Variants in EXD1 observed in about 807,000 individuals in gnomAD.
EXD1 encodes exonuclease 3'-5' domain containing 1.
In EXD1, 63 loss-of-function variants were observed where a neutral mutation model predicts 49.1. The ratio of observed to expected loss-of-function variants is 1.28; its 90% confidence interval spans 1.05 to 1.58. EXD1 has a LOEUF of 1.58. Among genes scored for constraint, EXD1 ranks in the 40% most tolerant of loss-of-function variants. The probability of loss-of-function intolerance (pLI) is 0.00; values close to 1 mark genes in which losing one functional copy is unlikely to be tolerated. For synonymous variants in EXD1, 234 were observed against 239.2 expected (o/e 0.98, Z 0.20); for missense variants, 748 against 666.0 (o/e 1.12, Z -1.36).
At chr15:41,216,560 G>A in intron 5 of EXD1, 108 bp downstream of exon 5, 1 of 1,121,704 alleles carries the variant, frequency 8.9e-7, no homozygotes, top group Non-Finnish European at 1.2e-6. Flanking sequence ...GAATCCAGGA[G>A]GTGGAGGTTG....
chr15:41,202,917 C>CAAA (rs1167336132), intron 7 of EXD1, among the ~76,000 whole-genome samples: 28 of 89,476 alleles, frequency 3.1e-4, no homozygotes, highest in African/African-American at 1.1e-3. Flanking sequence ...GACTCTGTCT[C>CAAA]AAAAAAAAAA....
chr15:41,202,549 AG>A (rs2046749154), intron 7 of EXD1, among the ~76,000 whole-genome samples: 1 of 152,040 alleles, frequency 6.6e-6, no homozygotes, highest in Admixed American at 6.6e-5. Flanking sequence ...AGCTTATTGC[AG>A]GCTAAAACTA....
At chr15:41,189,076 T>C (rs2046463027) in intron 11 of EXD1, among the ~76,000 whole-genome samples, 1 of 151,856 alleles carries the variant, frequency 6.6e-6, no homozygotes, top group Non-Finnish European at 1.5e-5. Context: ...TGCATAAGAA[T>C]AAATATGGAG....
At chr15:41,214,734 C>T (rs1308949728) in intron 6 of EXD1, among the ~76,000 whole-genome samples, 2 of 151,830 alleles carry the variant, frequency 1.3e-5, no homozygotes, top group African/African-American at 4.8e-5. Context: ...TTGCTAATTC[C>T]ACTTTTAAGT....
chr15:41,211,714 C>T (rs962848279), intron 6 of EXD1, among the ~76,000 whole-genome samples: 3 of 149,034 alleles, frequency 2.0e-5, no homozygotes, highest in African/African-American at 7.5e-5. Context: ...AATCCCAGTA[C>T]TTTGGGAGGC....
At chr15:41,214,232 C>T (rs1170297035) in intron 6 of EXD1, among the ~76,000 whole-genome samples, 1 of 152,000 alleles carries the variant, frequency 6.6e-6, no homozygotes, top group Non-Finnish European at 1.5e-5. Context: ...ATCCATGGGC[C>T]AGGGACAGTG....
In EXD1 at chr15:41,184,095, A is replaced by G; in HGVS notation, c.1555T>C (p.Cys519Arg). The part of the protein sequence containing the change: ...LMVENKEDLK[C>R]TKQAVSMSSF... ...GACATTGAAACAGCCTGTTTTGTGC[A>G]TTTTAAATCTTCCTTGTTTTCCACC... The change falls in exon 12 of 12, where the codon TGC becomes CGC. Residue 519 changes from cysteine to arginine, a missense_variant. By Grantham distance (180) the Cys-to-Arg change is radical (BLOSUM62 -3). Transcript: ENST00000458580. 2 of 1,614,182 alleles carry G rather than the reference A, an allele frequency of 1.2e-6. No individual in the cohort carries two copies. Among genetic ancestry groups the G allele is most frequent in the Non-Finnish European group, 1.7e-6 (2 of 1,180,020 alleles).
intron 2 of EXD1, among the ~76,000 whole-genome samples, chr15:41,225,349 C>G (rs1460401254): frequency 6.6e-6 from 1 of 152,126 alleles, no homozygotes; most frequent in East Asian, 1.9e-4. Context: ...CTTTGGGAGG[C>G]CAAGGTGGGC....
At chr15:41,221,111 C>T (rs2047082073) in intron 2 of EXD1, among the ~76,000 whole-genome samples, 1 of 152,124 alleles carries the variant, frequency 6.6e-6, no homozygotes, top group Non-Finnish European at 1.5e-5. Context: ...AGGCATCATG[C>T]TATTTCCCTA....
chr15:41,190,984 G>A (rs1392148306), intron 10 of EXD1, among the ~76,000 whole-genome samples: 1 of 152,024 alleles, frequency 6.6e-6, no homozygotes, highest in African/African-American at 2.4e-5. Context: ...CACGATCTCA[G>A]CTCACCGCAA....
rs768428239 is a variant in EXD1, at chr15:41,190,078, T to G, written c.915A>C (p.Lys305Asn). 5.0e-6 allele frequency: 8 copies of G among 1,614,064 alleles called. No homozygotes were observed. The South Asian group carries it at 7.7e-5, about 16-fold the overall frequency. The change falls in exon 11 of 12, where the codon AAA (lysine) becomes AAC (asparagine). Residue 305 changes from lysine to asparagine, a missense_variant. Physicochemically the swap from Lys to Asn is moderately conservative, Grantham distance 94 (BLOSUM62 0). Coordinates refer to ENST00000458580, the MANE Select transcript of EXD1 (RefSeq NM_001286441.2). ...GGTAGGTAGCTTCCAGGGCCAAAAT[T>G]TTCAGTAAAGAGGGTGAAACAGGTC... ...FIRPVSPSLLKILALEATYLL... is the reference protein window; with the variant it reads ...FIRPVSPSLLNILALEATYLL...
intron 9 of EXD1, chr15:41,191,908 C>A: frequency 4.5e-6 from 1 of 219,974 alleles, no homozygotes; most frequent in Non-Finnish European, 8.9e-6. Flanking sequence ...ACCCGAGTAG[C>A]TGGGACTACA....
chr15:41,199,732 T>G (rs371338541), intron 7 of EXD1, among the ~76,000 whole-genome samples: 1 of 78,842 alleles, frequency 1.3e-5, no homozygotes, highest in Non-Finnish European at 2.3e-5. Context: ...TTATATATGA[T>G]ATATATGTCA....
intron 7 of EXD1, among the ~76,000 whole-genome samples, chr15:41,206,597 T>C (rs1399686056): frequency 1.3e-5 from 2 of 148,284 alleles, no homozygotes; most frequent in African/African-American, 4.9e-5. Context: ...TGCACAAATA[T>C]AACAATCCTG....
chr15:41,219,920 T>TAAAATACAGTTAATTAAAATA, intron 2 of EXD1, 22 bp from the exon 3 acceptor site: 1 of 1,521,876 alleles, frequency 6.6e-7, no homozygotes, highest in Non-Finnish European at 8.8e-7. Context: ...AACAATTCAT[T>TAAAATACAGTTAATTAAAATA]CAGTTAATTA....
At position 41,195,839 on chromosome 15, in the gene EXD1, C is replaced by A. The variant is rs564891248; in HGVS notation, c.656G>T (p.Arg219Leu). 2.7e-5 allele frequency: 43 copies of A among 1,613,316 alleles called. No homozygotes were observed. The highest frequency in any genetic ancestry group is 3.5e-5 in the Non-Finnish European group (41 of 1,179,878). ...ATGAGAGAGGCAATCAGAAAGCCAA[C>A]GACAATCATGGATAACCTAAGGAAT... ...KRILKVIHDCRWLSDCLSHQY... is the reference protein window; with the variant it reads ...KRILKVIHDCLWLSDCLSHQY... Residue 219 changes from arginine (R) to leucine (L), a missense_variant, in exon 9 of 12, where the codon CGT becomes CTT. Coordinates refer to ENST00000458580, the MANE Select transcript of EXD1 (RefSeq NM_001286441.2).
chr15:41,194,483 C>A (rs2046580270), intron 9 of EXD1, among the ~76,000 whole-genome samples: 1 of 152,182 alleles, frequency 6.6e-6, no homozygotes, highest in African/African-American at 2.4e-5. Context: ...CAAGGAAACT[C>A]TCTCTTCAGA....
At chr15:41,196,857 G>A (rs765339559) in intron 7 of EXD1, among the ~76,000 whole-genome samples, 7 of 152,062 alleles carry the variant, frequency 4.6e-5, no homozygotes, top group African/African-American at 1.4e-4. Flanking sequence ...ACAGGGCCTT[G>A]CTCTGTCACC....
chr15:41,210,040 C>G, intron 6 of EXD1, among the ~76,000 whole-genome samples: 1 of 152,268 alleles, frequency 6.6e-6, no homozygotes, highest in East Asian at 1.9e-4. Flanking sequence ...CTCAACCTCC[C>G]AAGTAGCTGG....
Sources: gnomAD v4.1 joint callset for allele counts (sites outside exome capture counted in the v4.1 genomes callset) on GRCh38, gnomAD v4.1.1 for gene constraint, MANE v1.5 for transcripts, NCBI Gene and HGNC (gene_info 2026-07-23, HGNC 2026-07-21) for gene names.